Variants in IPCEF1 observed in about 807,000 individuals in gnomAD.
IPCEF1 encodes the protein interaction protein for cytohesin exchange factors 1, also known as interactor protein for cytohesin exchange factors 1.
IPCEF1 carries 31 observed loss-of-function variants against 50.9 expected under a neutral mutation model. The observed-to-expected ratio is 0.61, with a 90% CI of 0.46 to 0.82. The LOEUF (loss-of-function observed/expected upper bound fraction) is 0.82, where lower values mean the gene tolerates loss of function less well. IPCEF1 is among the 40% of genes least tolerant of loss of function. The pLI, the probability that IPCEF1 is intolerant of heterozygous loss-of-function variation, is 0.00. For missense variants in IPCEF1, 458 were observed against 514.0 expected (o/e 0.89, Z 1.05); for synonymous variants, 181 against 192.0 (o/e 0.94, Z 0.47).
intron 1 of IPCEF1, among the ~76,000 whole-genome samples, chr6:154,354,491 C>CAA (rs1784179409): frequency 1.3e-5 from 2 of 148,864 alleles, no homozygotes; most frequent in African/African-American, 5.0e-5. Context: ...ACCATCTCTA[C>CAA]CGTCACTTCC....
At chr6:154,328,026 A>C (rs1326341597) in intron 1 of IPCEF1, among the ~76,000 whole-genome samples, 2 of 152,166 alleles carry the variant, frequency 1.3e-5, no homozygotes, top group African/African-American at 2.4e-5. Flanking sequence ...GAACACATGG[A>C]CACATGGGGG....
Position 154,282,612 on chromosome 6 carries a change from G to A in IPCEF1, c.-18+7101C>T, listed in dbSNP as rs555854207. On this transcript the variant is annotated intron_variant, in intron 2 of 11. Coordinates refer to ENST00000367220, the MANE Select transcript of IPCEF1 (RefSeq NM_001130700.2). ...TGAGGCAGGAGAATGGCATAAACCC[G>A]GGAGGCAGAGCTTGCAGTGAGCCGA... Among the ~76,000 whole-genome samples the A allele has an allele frequency of 2.6e-4, 40 of 152,216 alleles. No homozygotes were observed. In the South Asian group the frequency reaches 6.6e-3, roughly 25 times the overall value.
At chr6:154,267,004 G>A (rs979715026) in intron 2 of IPCEF1, among the ~76,000 whole-genome samples, 7 of 151,962 alleles carry the variant, frequency 4.6e-5, no homozygotes, top group African/African-American at 1.7e-4. Flanking sequence ...CCCAAATTCT[G>A]AGTAATGGAA....
chr6:154,171,653 T>C (rs1321011261), intron 10 of IPCEF1, among the ~76,000 whole-genome samples: 2 of 152,158 alleles, frequency 1.3e-5, no homozygotes, highest in East Asian at 3.8e-4. Flanking sequence ...CTATAAAAAG[T>C]AGTCATTTAT....
intron 2 of IPCEF1, among the ~76,000 whole-genome samples, chr6:154,280,633 T>C (rs1442966047): frequency 6.6e-6 from 1 of 152,018 alleles, no homozygotes; most frequent in Non-Finnish European, 1.5e-5. Context: ...TAGATCATAG[T>C]GTTTAGGGAA....
In IPCEF1 at chr6:154,218,195, A is replaced by T. The variant is rs544552886; in HGVS notation, c.392+3062T>A. 1.5e-4 allele frequency among the ~76,000 whole-genome samples: 23 copies of T among 152,296 alleles called. No individual in the cohort carries two copies. The South Asian group carries it at 4.1e-3, about 27-fold the overall frequency. On this transcript the variant is annotated intron_variant, in intron 7 of 11. Transcript: ENST00000367220. Reference sequence around the variant, plus strand: ...AAGAAAATGACAGATGTTTCCTGGGAGTTTGTTGTATATTAACTTGACGTG... The same window carrying T: ...AAGAAAATGACAGATGTTTCCTGGGTGTTTGTTGTATATTAACTTGACGTG...
At chr6:154,236,562 A>T (rs777322716) in intron 5 of IPCEF1, among the ~76,000 whole-genome samples, 1 of 152,248 alleles carries the variant, frequency 6.6e-6, no homozygotes, top group African/African-American at 2.4e-5. Context: ...ATTAAAAAAC[A>T]TTTAATTTTA....
At chr6:154,190,612 A>C (rs1801786614) in intron 10 of IPCEF1, among the ~76,000 whole-genome samples, 1 of 152,238 alleles carries the variant, frequency 6.6e-6, no homozygotes, top group African/African-American at 2.4e-5. Context: ...TCTCTTATAC[A>C]GTTAAACATA....
At chr6:154,172,773 A>G (rs1270982852) in intron 10 of IPCEF1, among the ~76,000 whole-genome samples, 1 of 152,240 alleles carries the variant, frequency 6.6e-6, no homozygotes, top group African/African-American at 2.4e-5. Context: ...TGCAGATTTA[A>G]GTGTCCTTGC....
intron 7 of IPCEF1, among the ~76,000 whole-genome samples, chr6:154,214,511 C>T (rs1021635237): frequency 6.6e-6 from 1 of 152,192 alleles, no homozygotes; most frequent in African/African-American, 2.4e-5. Context: ...TCAGTTGGTT[C>T]ATGAGGGCAG....
chr6:154,227,304 A>T (rs1779333747), intron 5 of IPCEF1, among the ~76,000 whole-genome samples: 3 of 152,242 alleles, frequency 2.0e-5, no homozygotes, highest in African/African-American at 7.2e-5. Flanking sequence ...TTATGGCATG[A>T]TTAGTTTCTA....
Position 154,336,586 on chromosome 6 carries a change from T to C in IPCEF1, c.-62+20086A>G, listed in dbSNP as rs146303577. Reference sequence around the variant, plus strand: ...ACAAATATACAAACATACAGTTAGATAGGAGGAAAAGTTCTCTTTTTTTTC... The same window carrying C: ...ACAAATATACAAACATACAGTTAGACAGGAGGAAAAGTTCTCTTTTTTTTC... On this transcript the variant is annotated intron_variant, in intron 1 of 11. Coordinates refer to ENST00000367220, the MANE Select transcript of IPCEF1 (RefSeq NM_001130700.2). 1.7e-4 allele frequency among the ~76,000 whole-genome samples: 26 copies of C among 152,186 alleles called. No homozygotes were observed. In the East Asian group the frequency reaches 4.8e-3, roughly 28 times the overall value.
chr6:154,290,403 A>C (rs890779563), intron 1 of IPCEF1, among the ~76,000 whole-genome samples: 14 of 152,186 alleles, frequency 9.2e-5, no homozygotes, highest in Admixed American at 9.2e-4. Flanking sequence ...CAAGTCAAAG[A>C]TCAAACAGGG....
Position 154,300,293 on chromosome 6 carries a change from G to T in IPCEF1, c.-61-10537C>A. Among the ~76,000 whole-genome samples the T allele has an allele frequency of 2.0e-5, 2 of 99,560 alleles. 1 individual carries two copies. Among genetic ancestry groups the T allele is most frequent in the Non-Finnish European group, 4.9e-5 (2 of 40,936 alleles). 65.3% of individuals were successfully genotyped at this position (99,560 alleles called of 152,430 possible). On this transcript the variant is annotated intron_variant, in intron 1 of 11. Transcript: ENST00000367220. ...ATTTGTTTAAATGTAGGTATTGAGA[G>T]ACATGGCTTCCTTTTTTCTTTCTTT...
At chr6:154,206,299 C>T (rs984958408) in intron 9 of IPCEF1, among the ~76,000 whole-genome samples, 2 of 152,170 alleles carry the variant, frequency 1.3e-5, no homozygotes, top group African/African-American at 4.8e-5. Context: ...CAAATGAAAT[C>T]ATTCTTCTCA....
At chr6:154,244,615 T>C (rs1780884678) in intron 5 of IPCEF1, among the ~76,000 whole-genome samples, 2 of 152,206 alleles carry the variant, frequency 1.3e-5, no homozygotes, top group Non-Finnish European at 2.9e-5. Context: ...CTGCTCCTTG[T>C]GGAAGCATGA....
Position 154,159,513 on chromosome 6 carries a change from T to C in IPCEF1, c.*315A>G, listed in dbSNP as rs981373073. ...TTTGATTCTTGTCCATAGCATTCTC[T>C]GGAGAGCAATGAACAGAAGAGACAT... is the stretch of plus-strand genomic sequence containing the variant. On this transcript the variant is annotated 3_prime_UTR_variant, in exon 12 of 12. Transcript: ENST00000367220. 1 of 330,162 alleles carries C rather than the reference T, an allele frequency of 3.0e-6. No homozygotes were observed. The highest frequency in any genetic ancestry group is 5.5e-6 in the Non-Finnish European group (1 of 182,358). The allele number at this position is 330,162 out of a possible 1,614,324, so 20.5% of individuals were successfully genotyped here.
rs1473750060 is a variant in IPCEF1, at chr6:154,249,921, T to G, written c.37-2433A>C. 1.1e-4 allele frequency among the ~76,000 whole-genome samples: 16 copies of G among 145,332 alleles called. 2 individuals are homozygous for G. Among genetic ancestry groups the G allele is most frequent in the Admixed American group, 3.4e-4 (5 of 14,870 alleles). On this transcript the variant is annotated intron_variant, in intron 3 of 11. Transcript: ENST00000367220. ...ACTCAAAGAAAGGCTTTTTTTTTGT[T>G]TGTTTTTAAGTGGGGGAGGGAGCTT...
intron 1 of IPCEF1, among the ~76,000 whole-genome samples, chr6:154,302,596 C>T (rs1372995524): frequency 6.6e-6 from 1 of 152,074 alleles, no homozygotes; most frequent in Non-Finnish European, 1.5e-5. Context: ...CACCTCAGCC[C>T]CCCGAGTAGC....
Sources: allele counts gnomAD v4.1 joint callset (sites outside exome capture counted in the v4.1 genomes callset), GRCh38; gene constraint gnomAD v4.1.1; transcripts MANE v1.5; gene names NCBI Gene and HGNC (gene_info 2026-07-23, HGNC 2026-07-21).